Variants in COG7 observed in about 807,000 individuals in gnomAD.
COG7 encodes the protein conserved oligomeric Golgi complex subunit 7.
COG7 carries 49 observed loss-of-function variants against 91.5 expected under a neutral mutation model. The observed-to-expected ratio is 0.54, with a 90% CI of 0.43 to 0.68. COG7 has a LOEUF of 0.68. Ranked by LOEUF, COG7 falls within the 30% of genes least tolerant of loss-of-function variation. The pLI, the probability that COG7 is intolerant of heterozygous loss-of-function variation, is 0.00. For synonymous variants in COG7, 365 were observed against 388.7 expected, an observed-to-expected ratio of 0.94 and a Z score of 0.72; for missense variants, 895 against 961.3, an observed-to-expected ratio of 0.93 and a Z score of 0.91.
chr16:23,413,208 T>C (rs1403139017), intron 10 of COG7: 3 of 455,884 alleles, frequency 6.6e-6, no homozygotes, highest in Non-Finnish European at 1.2e-5. Flanking sequence ...TTAAAGGAGA[T>C]GAGGCATTTG....
intron 6 of COG7, among the ~76,000 whole-genome samples, chr16:23,426,467 A>C (rs1963847066): frequency 6.6e-6 from 1 of 152,338 alleles, no homozygotes; most frequent in African/African-American, 2.4e-5. Context: ...CAGGAGGATC[A>C]CTTGAAGTTA....
chr16:23,409,410 T>G (rs1418022095), intron 11 of COG7, among the ~76,000 whole-genome samples: 3 of 152,176 alleles, frequency 2.0e-5, no homozygotes, highest in Non-Finnish European at 2.9e-5. Context: ...ATAGGGAGAT[T>G]GCTGTGGCTC....
intron 6 of COG7, among the ~76,000 whole-genome samples, chr16:23,429,442 G>A (rs1336450025): frequency 6.6e-6 from 1 of 152,052 alleles, no homozygotes; most frequent in Non-Finnish European, 1.5e-5. Context: ...GCCCAACACT[G>A]GAAACATACC....
intron 6 of COG7, among the ~76,000 whole-genome samples, chr16:23,429,908 G>A (rs1963907536): frequency 6.6e-6 from 1 of 152,198 alleles, no homozygotes; most frequent in Non-Finnish European, 1.5e-5. Context: ...ATGAAATGCT[G>A]TCTGATTCCA....
intron 1 of COG7, among the ~76,000 whole-genome samples, chr16:23,448,322 A>C (rs1351356325): frequency 1.3e-5 from 2 of 152,102 alleles, no homozygotes; most frequent in Non-Finnish European, 2.9e-5. Context: ...TCTAATAATA[A>C]CACTACTAAT....
chr16:23,418,915 G>C, intron 7 of COG7, 88 bp from the exon 8 acceptor site: 2 of 1,228,272 alleles, frequency 1.6e-6, no homozygotes, highest in South Asian at 2.5e-5. Flanking sequence ...CGCTCTACTA[G>C]AACTTTCCCC....
Position 23,424,777 on chromosome 16 carries a change from G to A in COG7, c.981C>T (p.Gly327=). The change falls in exon 7 of 17, where the codon GGC becomes GGT. Residue 327 remains glycine (G), a synonymous_variant. Transcript: ENST00000307149. ...FYDATAHFAK[G]LEMALLPHLH... The stretch of plus-strand genomic sequence containing the variant: ...GGTGGGGGAGCAGTGCCATCTCCAA[G>A]CCCTTGGCGAAGTGGGCGGTGGCGT... 3 of 1,614,230 alleles carry A rather than the reference G, an allele frequency of 1.9e-6. No individual in the cohort carries two copies. The highest frequency in any genetic ancestry group is 1.6e-4 in the Middle Eastern group (1 of 6,062).
At chr16:23,448,506 T>C (rs759760561) in intron 1 of COG7, among the ~76,000 whole-genome samples, 4 of 152,120 alleles carry the variant, frequency 2.6e-5, no homozygotes, top group Non-Finnish European at 5.9e-5. Context: ...CTATGTTGTC[T>C]AGGCTGGTCT....
At position 23,388,945 on chromosome 16, in the gene COG7, G is replaced by A; in HGVS notation, c.2288C>T (p.Ala763Val). The change falls in exon 17 of 17, where the codon GCC becomes GTC. Residue 763 changes from alanine to valine, a missense_variant. Coordinates refer to ENST00000307149, the MANE Select transcript of COG7 (RefSeq NM_153603.4). ...TCAGTAATTCACACTCCGCATGGTG[G>A]CCACGGTGGTGGCCAGGCGACGGGG... ...GLPRRLATTV[A>V]TMRSVNY 3 of 1,614,114 alleles carry A rather than the reference G, an allele frequency of 1.9e-6. No homozygotes were observed. Among genetic ancestry groups the A allele is most frequent in the Non-Finnish European group, 2.5e-6 (3 of 1,180,002 alleles).
At chr16:23,419,072 G>A (rs910629189) in intron 7 of COG7, among the ~76,000 whole-genome samples, 1 of 152,170 alleles carries the variant, frequency 6.6e-6, no homozygotes, top group African/African-American at 2.4e-5. Flanking sequence ...CCAGCCCCCT[G>A]AATCCCATGA....
At chr16:23,405,910 A>C (rs1963452683) in intron 12 of COG7, among the ~76,000 whole-genome samples, 166 bp downstream of exon 12, 2 of 152,150 alleles carry the variant, frequency 1.3e-5, no homozygotes. Flanking sequence ...CAAGTTTAAT[A>C]TCTTAGCTCC....
At chr16:23,412,467 A>C (rs1287090773) in intron 10 of COG7, 1 of 152,220 alleles carries the variant, frequency 6.6e-6, no homozygotes, top group Non-Finnish European at 1.5e-5. Flanking sequence ...ATGATCAAAC[A>C]TGTCCATAGG....
At chr16:23,397,313 CT>C (rs1336743710) in intron 14 of COG7, among the ~76,000 whole-genome samples, 2 of 152,224 alleles carry the variant, frequency 1.3e-5, no homozygotes, top group East Asian at 1.9e-4. Flanking sequence ...CAGAAATCAC[CT>C]TGAAAAGTCT....
At chr16:23,440,262 T>C (rs910711408) in intron 4 of COG7, among the ~76,000 whole-genome samples, 20 of 151,770 alleles carry the variant, frequency 1.3e-4, no homozygotes, top group Non-Finnish European at 8.8e-5. Flanking sequence ...TGGTAGCGCA[T>C]GTCTGTAATC....
chr16:23,434,718 T>C lies in COG7; in HGVS notation c.605A>G (p.Asp202Gly), dbSNP rs143878627. The stretch of plus-strand genomic sequence containing the variant: ...CACCTTCACAAACACTTTGGACTGA[T>C]CTAAAGAACATACAATGTATATATA... ...IVAAFTSQAV[D>G]QSKVFVKVFT... Residue 202 changes from aspartate (D) to glycine (G), a missense_variant and splice_region_variant, in exon 5 of 17, where the codon GAT becomes GGT. Coordinates refer to ENST00000307149, the MANE Select transcript of COG7 (RefSeq NM_153603.4). 1.1e-5 allele frequency: 17 copies of C among 1,608,124 alleles called. No homozygotes were observed. Among genetic ancestry groups the C allele is most frequent in the Non-Finnish European group, 1.4e-5 (16 of 1,174,660 alleles).
Position 23,406,220 on chromosome 16 carries a change from G to A in COG7, c.1518C>T (p.Ser506=), listed in dbSNP as rs1355974000. ...TAGKYLSDSC[S]PRSLAGFQES... is the part of the protein sequence containing the mutation. ...CCTGAAAACCAGCCAGGCTCCGGGG[G>A]CTGCAGGAATCAGATAGATACTTCC... Residue 506 remains serine, a synonymous_variant, in exon 12 of 17, where the codon AGC becomes AGT. Transcript: ENST00000307149. 2.5e-6 allele frequency: 4 copies of A among 1,614,076 alleles called. No homozygotes were observed. Among genetic ancestry groups the A allele is most frequent in the African/African-American group, 2.7e-5 (2 of 74,926 alleles).
At chr16:23,417,983 T>C (rs1239231400) in intron 8 of COG7, among the ~76,000 whole-genome samples, 2 of 151,986 alleles carry the variant, frequency 1.3e-5, no homozygotes, top group African/African-American at 4.8e-5. Flanking sequence ...GAAAACAAAA[T>C]AATATTTGAA....
chr16:23,430,468 T>TA (rs368979969), intron 6 of COG7, among the ~76,000 whole-genome samples: 6 of 150,414 alleles, frequency 4.0e-5, no homozygotes, highest in African/African-American at 1.5e-4. Context: ...CAATTTTACC[T>TA]AAAAAAAATG....
At chr16:23,412,023 G>A (rs865882546) in intron 10 of COG7, among the ~76,000 whole-genome samples, 1 of 152,014 alleles carries the variant, frequency 6.6e-6, no homozygotes, top group African/African-American at 2.4e-5. Flanking sequence ...TGGGATTACA[G>A]GCACGTGCCA....
Sources: gnomAD v4.1 joint callset for allele counts (sites outside exome capture counted in the v4.1 genomes callset) on GRCh38, gnomAD v4.1.1 for gene constraint, MANE v1.5 for transcripts, NCBI Gene and HGNC (gene_info 2026-07-23, HGNC 2026-07-21) for gene names.